The following GPM6A variants were observed in gnomAD, a reference collection of about 807,000 sequenced individuals.
GPM6A encodes the protein neuronal membrane glycoprotein M6-a.
Under a neutral mutation model 32.1 loss-of-function variants are expected in GPM6A, and 7 were observed. The ratio of observed to expected loss-of-function variants is 0.22; its 90% CI spans 0.12 to 0.41. The LOEUF (loss-of-function observed/expected upper bound fraction) is 0.41, where lower values mean the gene tolerates loss of function less well. Ranked by LOEUF, GPM6A falls within the 10% of genes least tolerant of loss-of-function variation. The probability of loss-of-function intolerance (pLI) is 1.00; values close to 1 mark genes in which losing one functional copy is unlikely to be tolerated. For synonymous variants in GPM6A, 130 were observed against 123.4 expected (o/e 1.05, Z -0.35); for missense variants, 235 against 347.2 (o/e 0.68, Z 2.57).
chr4:175,988,828 C>T (rs765032453), intron 1 of GPM6A, among the ~76,000 whole-genome samples: 3 of 152,054 alleles, frequency 2.0e-5, no homozygotes, highest in African/African-American at 7.2e-5. Context: ...CCCAATGTAG[C>T]GTGAGGGGCA....
At chr4:175,904,849 C>A (rs555137339) in intron 1 of GPM6A, among the ~76,000 whole-genome samples, 1 of 152,236 alleles carries the variant, frequency 6.6e-6, no homozygotes, top group East Asian at 1.9e-4. Context: ...TTTTCAGCAT[C>A]TTCAGAAGGT....
At chr4:175,679,371 A>G (rs1473097935) in intron 2 of GPM6A, among the ~76,000 whole-genome samples, 2 of 152,094 alleles carry the variant, frequency 1.3e-5, no homozygotes, top group Admixed American at 1.3e-4. Flanking sequence ...CCTCACTCAC[A>G]CAAAGCCCTT....
intron 2 of GPM6A, among the ~76,000 whole-genome samples, chr4:175,675,699 G>C (rs1302362656): frequency 1.3e-5 from 2 of 151,708 alleles, no homozygotes; most frequent in African/African-American, 4.8e-5. Flanking sequence ...ACCCTGACTG[G>C]AGTGCAGTGA....
intron 1 of GPM6A, among the ~76,000 whole-genome samples, chr4:175,836,000 T>A (rs1735757867): frequency 1.3e-5 from 2 of 151,906 alleles, no homozygotes; most frequent in African/African-American, 4.8e-5. Flanking sequence ...ATTGGCTAGA[T>A]CTCCATCATG....
In GPM6A at chr4:175,632,965, G is replaced by A. The variant is rs1162057496; in HGVS notation, c.*1940C>T. On this transcript the variant is annotated 3_prime_UTR_variant, in exon 7 of 7. Transcript: ENST00000393658. The stretch of plus-strand genomic sequence containing the variant: ...TAATAAGTACACAAAGTACACAAGT[G>A]TATTTATTACATTTTGCAAGCACTC... The A allele has an allele frequency of 6.6e-6, 1 of 152,414 alleles. No individual in the cohort carries two copies. The highest frequency in any genetic ancestry group is 1.5e-5 in the Non-Finnish European group (1 of 67,906). The allele number at this position is 152,414 out of a possible 1,614,324, so 9.4% of individuals were successfully genotyped here. A position where few individuals can be genotyped will look rare whatever the true frequency, so the allele number is the denominator to read the frequency against.
At chr4:175,812,389 C>A (rs1734967018), upstream of GPM6A, 3 of 1,321,834 alleles carry the variant, frequency 2.3e-6, no homozygotes, top group East Asian at 9.1e-5. Context: ...CAGAGCTTAG[C>A]TCAGGCTCCC....
At chr4:175,901,622 C>CTT (rs1737969437) in intron 1 of GPM6A, among the ~76,000 whole-genome samples, 1 of 93,080 alleles carries the variant, frequency 1.1e-5, no homozygotes, top group African/African-American at 4.1e-5. Context: ...TTCTTTTTTT[C>CTT]TTTTTCTTTT....
intron 1 of GPM6A, chr4:175,906,653 C>G (rs1280314636): frequency 1.3e-5 from 2 of 152,122 alleles, no homozygotes. Flanking sequence ...CCAGTTTTAC[C>G]TTTCTTTATT....
At chr4:175,946,244 A>G (rs1038153668) in intron 1 of GPM6A, among the ~76,000 whole-genome samples, 4 of 152,242 alleles carry the variant, frequency 2.6e-5, no homozygotes, top group African/African-American at 4.8e-5. Flanking sequence ...AAGACAAGGC[A>G]CCAAAAACAA....
At chr4:175,933,488 TCTC>T (rs1739119069) in intron 1 of GPM6A, among the ~76,000 whole-genome samples, 1 of 152,302 alleles carries the variant, frequency 6.6e-6, no homozygotes, top group East Asian at 1.9e-4. Context: ...GTTACACTCC[TCTC>T]CTGTGTCGAT....
chr4:175,768,185 CA>C (rs1733049740), intron 1 of GPM6A, among the ~76,000 whole-genome samples: 1 of 152,092 alleles, frequency 6.6e-6, no homozygotes. Context: ...CTCAATTTGA[CA>C]ACTAAAATTC....
At chr4:175,918,994 A>AT (rs1282252910) in intron 1 of GPM6A, among the ~76,000 whole-genome samples, 1 of 152,060 alleles carries the variant, frequency 6.6e-6, no homozygotes, top group Non-Finnish European at 1.5e-5. Flanking sequence ...ATAGTCTTAT[A>AT]TTTTGAAACA....
intron 3 of GPM6A, among the ~76,000 whole-genome samples, chr4:175,672,762 A>G (rs749873522): frequency 2.0e-5 from 3 of 152,202 alleles, no homozygotes; most frequent in Admixed American, 6.5e-5. Flanking sequence ...TGATTCTTAT[A>G]AGAAATAATT....
At chr4:175,784,067 A>C (rs545980506) in intron 1 of GPM6A, among the ~76,000 whole-genome samples, 1 of 152,248 alleles carries the variant, frequency 6.6e-6, no homozygotes, top group Non-Finnish European at 1.5e-5. Flanking sequence ...AGTAGAAAAC[A>C]CCTTAGCCAA....
chr4:175,726,028 T>A (rs1746388631), intron 1 of GPM6A, among the ~76,000 whole-genome samples: 1 of 139,134 alleles, frequency 7.2e-6, no homozygotes, highest in Non-Finnish European at 1.5e-5. Context: ...GGAGTCTCAC[T>A]GTTGTCCAGG....
intron 1 of GPM6A, 72 bp downstream of exon 1, chr4:175,812,119 C>T: frequency 8.9e-7 from 1 of 1,129,494 alleles, no homozygotes; most frequent in Non-Finnish European, 1.3e-6. Context: ...GCCTTACTGG[C>T]AAGTGTCTAA....
intron 3 of GPM6A, among the ~76,000 whole-genome samples, chr4:175,669,001 G>T (rs959156080): frequency 1.3e-5 from 2 of 152,108 alleles, no homozygotes; most frequent in Non-Finnish European, 2.9e-5. Context: ...TGTACCCCAG[G>T]CAAGTCAGTC....
intron 1 of GPM6A, among the ~76,000 whole-genome samples, chr4:175,785,113 T>C (rs1452948600): frequency 6.6e-6 from 1 of 152,144 alleles, no homozygotes; most frequent in Non-Finnish European, 1.5e-5. Context: ...CGAAGCTAGA[T>C]CATAAGAAAC....
At chr4:175,724,708 G>A (rs905186205) in intron 1 of GPM6A, among the ~76,000 whole-genome samples, 3 of 152,142 alleles carry the variant, frequency 2.0e-5, no homozygotes, top group Non-Finnish European at 4.4e-5. Context: ...AACTGAGATA[G>A]CTTGAGAGTC....
Sources: gnomAD v4.1 joint callset for allele counts (sites outside exome capture counted in the v4.1 genomes callset) on GRCh38, gnomAD v4.1.1 for gene constraint, MANE v1.5 for transcripts, NCBI Gene and HGNC (gene_info 2026-07-23, HGNC 2026-07-21) for gene names.